The following SPAG16 variants were observed in gnomAD, a reference collection of about 807,000 sequenced individuals.
SPAG16 encodes sperm associated antigen 16, also known as sperm-associated antigen 16 protein.
SPAG16 carries 86 observed loss-of-function variants against 80.4 expected under a neutral mutation model. That is an observed-to-expected ratio of 1.07 (90% CI 0.90 to 1.28). The LOEUF is 1.28. Ranked by LOEUF, SPAG16 falls within the 50% of genes most tolerant of loss-of-function variation. The pLI is 0.00. For missense variants in SPAG16, 870 were observed against 765.3 expected (o/e 1.14, Z -1.61); for synonymous variants, 294 against 265.9 (o/e 1.11, Z -1.03).
intron 12 of SPAG16, 147 bp from the exon 13 acceptor site, chr2:214,013,804 A>G: frequency 1.5e-6 from 1 of 681,284 alleles, no homozygotes; most frequent in Non-Finnish European, 2.4e-6. Context: ...AGGTAGCTAT[A>G]GAATTTTACT....
Position 214,291,300 on chromosome 2 carries a change from C to CTTTTTTT in SPAG16, c.1721-118823_1721-118817dup, listed in dbSNP as rs56771172. On this transcript the variant is annotated intron_variant, in intron 15 of 15. Transcript: ENST00000331683. ...AGCAGTATATATTTAGATCATGTTTCTTTTTTTTTTTTTTTTTTTTTTTGA... is the reference window on the plus strand; with the variant it reads ...AGCAGTATATATTTAGATCATGTTTCTTTTTTTTTTTTTTTTTTTTTTTTTTTTTTGA... Among the ~76,000 whole-genome samples, 133 of 80,474 alleles carry CTTTTTTT rather than the reference C, an allele frequency of 1.7e-3. 8 individuals are homozygous for CTTTTTTT. Among genetic ancestry groups the CTTTTTTT allele is most frequent in the East Asian group, 2.6e-3 (6 of 2,328 alleles). The allele number at this position is 80,474 out of a possible 152,430, so 52.8% of individuals were successfully genotyped here. A position where few individuals can be genotyped will look rare whatever the true frequency, so the allele number is the denominator to read the frequency against.
chr2:213,500,129 A>T (rs146227893), intron 10 of SPAG16, among the ~76,000 whole-genome samples: 1 of 152,116 alleles, frequency 6.6e-6, no homozygotes, highest in African/African-American at 2.4e-5. Flanking sequence ...ATCATTCTCC[A>T]TTTGGGGAAT....
intron 10 of SPAG16, among the ~76,000 whole-genome samples, chr2:213,494,816 C>T (rs72940924): frequency 0.011 from 1,719 of 152,290 alleles, 26 homozygotes; most frequent in Non-Finnish European, 0.018. Flanking sequence ...CTCCCTTGCC[C>T]TATCTCCTCA....
At chr2:213,780,998 T>C (rs764754955) in intron 10 of SPAG16, among the ~76,000 whole-genome samples, 3 of 152,216 alleles carry the variant, frequency 2.0e-5, no homozygotes, top group Non-Finnish European at 2.9e-5. Context: ...AAGGCCCATG[T>C]CAAGTCATTG....
rs188424529 is a variant in SPAG16 at position 213,559,963 on chromosome 2, A to G, written c.1070+69873A>G. Among the ~76,000 whole-genome samples the G allele has an allele frequency of 4.6e-5, 7 of 152,232 alleles. 1 individual carries two copies. Among genetic ancestry groups the G allele is most frequent in the African/African-American group, 1.7e-4 (7 of 41,564 alleles). ...TGCTATTAGGCCATTAATTTTGCAT[A>G]CATAAAAATTTTGAGAGATTCAAAG... On this transcript the variant is annotated intron_variant, in intron 10 of 15. Coordinates refer to ENST00000331683, the MANE Select transcript of SPAG16 (RefSeq NM_024532.5).
chr2:213,492,921 G>A lies in SPAG16; in HGVS notation c.1070+2831G>A, dbSNP rs112118723. 9.9e-3 allele frequency among the ~76,000 whole-genome samples: 1,508 copies of A among 152,116 alleles called. 30 individuals are homozygous for A. Among genetic ancestry groups the A allele is most frequent in the African/African-American group, 0.035 (1,441 of 41,498 alleles). ...TATACACACACTATGTCTGACCTTT[G>A]TATTTCTATAAGGCAGTTATTATTT... On this transcript the variant is annotated intron_variant, in intron 10 of 15. Transcript: ENST00000331683.
chr2:213,974,636 T>C (rs1249108250), intron 12 of SPAG16, among the ~76,000 whole-genome samples: 2 of 152,086 alleles, frequency 1.3e-5, no homozygotes, highest in South Asian at 2.1e-4. Context: ...CCAGGAAATA[T>C]ATGATGTTAA....
chr2:214,276,988 T>C (rs1015550504), intron 15 of SPAG16, among the ~76,000 whole-genome samples: 1 of 152,190 alleles, frequency 6.6e-6, no homozygotes, highest in Non-Finnish European at 1.5e-5. Context: ...GCTTTGTTCA[T>C]TTCTTTTTAC....
chr2:214,185,624 A>T (rs12623379), intron 15 of SPAG16, among the ~76,000 whole-genome samples: 45,624 of 152,004 alleles, frequency 0.3, 8,554 homozygotes, highest in Non-Finnish European at 0.42. Context: ...AGAATGGACA[A>T]CTGTACATAA....
chr2:214,378,091 C>T (rs1348751990), intron 15 of SPAG16, among the ~76,000 whole-genome samples: 1 of 152,032 alleles, frequency 6.6e-6, no homozygotes, highest in Admixed American at 6.6e-5. Flanking sequence ...ATGCAGGCTG[C>T]CTGTAGGAGC....
chr2:213,843,208 A>G (rs1297618417), intron 10 of SPAG16, among the ~76,000 whole-genome samples: 8 of 152,036 alleles, frequency 5.3e-5, no homozygotes, highest in Admixed American at 5.2e-4. Flanking sequence ...TAAAATCTTA[A>G]CTTCTTATAT....
At chr2:214,011,498 ATATT>A (rs977709684) in intron 12 of SPAG16, among the ~76,000 whole-genome samples, 4 of 152,170 alleles carry the variant, frequency 2.6e-5, no homozygotes, top group Admixed American at 2.6e-4. Flanking sequence ...TTTGTGGACC[ATATT>A]ATCTCTGTTG....
intron 9 of SPAG16, among the ~76,000 whole-genome samples, chr2:213,376,701 A>G (rs986540257): frequency 1.3e-5 from 2 of 152,100 alleles, no homozygotes; most frequent in African/African-American, 2.4e-5. Context: ...ATTATTATGT[A>G]TGTTGTCATA....
At chr2:214,314,066 C>T (rs1453815069) in intron 15 of SPAG16, among the ~76,000 whole-genome samples, 2 of 151,820 alleles carry the variant, frequency 1.3e-5, no homozygotes, top group African/African-American at 4.8e-5. Context: ...TATTTATTTC[C>T]AATTTTTCTG....
At chr2:213,573,135 T>G (rs995388009) in intron 10 of SPAG16, among the ~76,000 whole-genome samples, 3 of 152,120 alleles carry the variant, frequency 2.0e-5, no homozygotes, top group African/African-American at 7.2e-5. Flanking sequence ...GCGCCCACTG[T>G]CTGGCACTCC....
At chr2:214,357,061 T>G (rs1698858295) in intron 15 of SPAG16, among the ~76,000 whole-genome samples, 2 of 151,928 alleles carry the variant, frequency 1.3e-5, no homozygotes, top group South Asian at 4.1e-4. Flanking sequence ...TTCTGTCTCC[T>G]TCTGTCTTCT....
chr2:213,493,016 A>G (rs73988517), intron 10 of SPAG16, among the ~76,000 whole-genome samples: 1,920 of 152,272 alleles, frequency 0.013, 40 homozygotes, highest in African/African-American at 0.042. Flanking sequence ...TGCGAATCAC[A>G]AAGAAAGAAT....
chr2:213,982,487 C>T lies in SPAG16; in HGVS notation c.1401-31464C>T, dbSNP rs146821350. Among the ~76,000 whole-genome samples the T allele has an allele frequency of 4.6e-5, 7 of 151,956 alleles. 1 individual carries two copies. The highest frequency in any genetic ancestry group is 7.4e-5 in the Non-Finnish European group (5 of 67,902). On this transcript the variant is annotated intron_variant, in intron 12 of 15. Transcript: ENST00000331683. ...TTTTGTGTTTTATACTTACATACAA[C>T]AAAGTTTTGAAGTATTTTTTAGCTC...
At chr2:213,391,761 C>A (rs1260170819) in intron 9 of SPAG16, among the ~76,000 whole-genome samples, 1 of 152,132 alleles carries the variant, frequency 6.6e-6, no homozygotes, top group Admixed American at 6.6e-5. Context: ...CTGCTAAAGA[C>A]TTCCAGATTC....
Sources: allele counts gnomAD v4.1 joint callset (sites outside exome capture counted in the v4.1 genomes callset), GRCh38; gene constraint gnomAD v4.1.1; transcripts MANE v1.5; gene names NCBI Gene and HGNC (gene_info 2026-07-23, HGNC 2026-07-21).